Variants in CACYBP observed in about 807,000 individuals in gnomAD.
CACYBP encodes the protein calcyclin-binding protein.
A neutral mutation model predicts 29.6 loss-of-function variants in CACYBP; 11 were observed. The ratio of observed to expected loss-of-function variants is 0.37; its 90% CI spans 0.23 to 0.61. CACYBP has a LOEUF of 0.61. CACYBP is among the 20% of genes least tolerant of loss of function. The pLI, the probability that CACYBP is intolerant of heterozygous loss-of-function variation, is 0.65. For missense variants in CACYBP, 163 were observed against 260.7 expected (o/e 0.63, Z 2.58); for synonymous variants, 73 against 88.3 (o/e 0.83, Z 0.97).
Position 175,000,024 on chromosome 1 carries a change from C to A in CACYBP, c.-157C>A, listed in dbSNP as rs1672422849. The A allele has an allele frequency of 9.3e-7, 1 of 1,071,196 alleles. No individual in the cohort carries two copies. The highest frequency in any genetic ancestry group is 1.4e-6 in the Non-Finnish European group (1 of 728,012). 66.4% of individuals were successfully genotyped at this position (1,071,196 alleles called of 1,614,324 possible). On this transcript the variant is annotated 5_prime_UTR_variant, in exon 1 of 6. Coordinates refer to ENST00000367679, the MANE Select transcript of CACYBP (RefSeq NM_014412.3). ...TTCGAGATCCGTCGCGTGCGGGAGG[C>A]GGGCCGCGATCTTGCGCAGGGTCGG...
rs1411000510 is a variant in CACYBP at position 175,011,630 on chromosome 1, CAAA to C, written c.*1554_*1556del. On this transcript the variant is annotated 3_prime_UTR_variant, in exon 6 of 6. Coordinates refer to ENST00000367679, the MANE Select transcript of CACYBP (RefSeq NM_014412.3). The stretch of plus-strand genomic sequence containing the variant: ...TTCCAATAATTAAGAATACTTCATA[CAAA>C]AAGAAATGTAAATGACCTTTAACAT... 1 of 152,052 alleles carries C rather than the reference CAAA, an allele frequency of 6.6e-6. No homozygotes were observed. Among genetic ancestry groups the C allele is most frequent in the Non-Finnish European group, 1.5e-5 (1 of 68,008 alleles). The allele number at this position is 152,052 out of a possible 1,614,324, so 9.4% of individuals were successfully genotyped here. A position where few individuals can be genotyped will look rare whatever the true frequency, so the allele number is the denominator to read the frequency against.
intron 5 of CACYBP, chr1:175,008,991 T>C (rs1672683326): frequency 7.4e-6 from 2 of 269,672 alleles, no homozygotes; most frequent in Non-Finnish European, 7.0e-6. Context: ...CTGTATGTTT[T>C]AAATTTCTCA....
rs1422002074 is a variant in CACYBP at position 174,999,964 on chromosome 1, C to CGCGGTGG, written c.-209_-203dup. ...CCAGGCTTGGCGGGCTGTGCGTGCT[C>CGCGGTGG]GCGGTGGGCGGTGGCGGCGGCTGCC... On this transcript the variant is annotated 5_prime_UTR_variant, in exon 1 of 6. Transcript: ENST00000367679. 7 of 636,406 alleles carry CGCGGTGG rather than the reference C, an allele frequency of 1.1e-5. No homozygotes were observed. The highest frequency in any genetic ancestry group is 1.9e-5 in the Non-Finnish European group (7 of 378,138). The allele number at this position is 636,406 out of a possible 1,614,324, so 39.4% of individuals were successfully genotyped here. A position where few individuals can be genotyped will look rare whatever the true frequency, so the allele number is the denominator to read the frequency against.
chr1:175,006,947 T>G, intron 3 of CACYBP, 106 bp downstream of exon 3: 1 of 855,404 alleles, frequency 1.2e-6, no homozygotes, highest in Admixed American at 2.2e-5. Flanking sequence ...TTAGAATTAA[T>G]TATCCTTTAC....
At position 175,010,805 on chromosome 1, in the gene CACYBP, C is replaced by T. The variant is rs549945011; in HGVS notation, c.*726C>T. The T allele has an allele frequency of 6.6e-6, 1 of 152,084 alleles. No individual in the cohort carries two copies. Among genetic ancestry groups the T allele is most frequent in the Non-Finnish European group, 1.5e-5 (1 of 68,012 alleles). 9.4% of individuals were successfully genotyped at this position (152,084 alleles called of 1,614,324 possible). A position where few individuals can be genotyped will look rare whatever the true frequency, so the allele number is the denominator to read the frequency against. ...AAAGTTAAGTTTTTCTTCATTAGAA[C>T]AGTTTTATGATTTATTTGTCTAGGA... On this transcript the variant is annotated 3_prime_UTR_variant, in exon 6 of 6. Coordinates refer to ENST00000367679, the MANE Select transcript of CACYBP (RefSeq NM_014412.3).
intron 1 of CACYBP, among the ~76,000 whole-genome samples, chr1:175,002,766 T>G (rs1317175273): frequency 6.6e-6 from 1 of 152,214 alleles, no homozygotes; most frequent in African/African-American, 2.4e-5. Flanking sequence ...AAGAGTACTT[T>G]AGAGTCAAAA....
At chr1:175,007,070 A>G (rs751330585) in intron 3 of CACYBP, 28 bp from the exon 4 acceptor site, 14 of 1,401,308 alleles carry the variant, frequency 1.0e-5, no homozygotes, top group Non-Finnish European at 1.4e-5. Flanking sequence ...AGAACTAGAA[A>G]GATGATGTAT....
intron 4 of CACYBP, 41 bp downstream of exon 4, chr1:175,007,238 C>A (rs1672642428): frequency 5.1e-6 from 6 of 1,170,636 alleles, no homozygotes; most frequent in Non-Finnish European, 7.6e-6. Flanking sequence ...TGAAACCTTA[C>A]CAAATTGAAC....
chr1:175,009,779 G>A (rs1422086696), intron 5 of CACYBP, 144 bp from the exon 6 acceptor site: 2 of 570,912 alleles, frequency 3.5e-6, no homozygotes, highest in Non-Finnish European at 6.2e-6. Flanking sequence ...AGATGAATTT[G>A]TGCGTGCCGT....
At position 175,000,554 on chromosome 1, in the gene CACYBP, C is replaced by T. The variant is rs1012060567; in HGVS notation, c.15+359C>T. The T allele has an allele frequency of 6.8e-6, 8 of 1,183,506 alleles. No homozygotes were observed. In the African/African-American group the frequency reaches 8.2e-5, roughly 12 times the overall value. The allele number at this position is 1,183,506 out of a possible 1,614,324, so 73.3% of individuals were successfully genotyped here. A position where few individuals can be genotyped will look rare whatever the true frequency, so the allele number is the denominator to read the frequency against. On this transcript the variant is annotated intron_variant, in intron 1 of 5. Transcript: ENST00000367679. ...GACAGGAAGCTTCATTCAAGCAAAG[C>T]TGGGTGCAAACATGAGTGTCGTTCT...
chr1:175,011,744 A>AGTT lies in CACYBP; in HGVS notation c.*1667_*1669dup, dbSNP rs370884277. The AGTT allele has an allele frequency of 7.2e-5, 11 of 152,334 alleles. No individual in the cohort carries two copies. In the East Asian group the frequency reaches 1.3e-3, roughly 19 times the overall value. 9.4% of individuals were successfully genotyped at this position (152,334 alleles called of 1,614,324 possible). ...AAGAAGTATAAAAACAACTGTATTGAGTTGAGGCTGTGGAGAAATAAGGAC... is the reference window on the plus strand; with the variant it reads ...AAGAAGTATAAAAACAACTGTATTGAGTTGTTGAGGCTGTGGAGAAATAAGGAC... On this transcript the variant is annotated 3_prime_UTR_variant, in exon 6 of 6. Transcript: ENST00000367679.
chr1:175,006,234 G>A (rs78442918), intron 2 of CACYBP, among the ~76,000 whole-genome samples: 1,793 of 152,210 alleles, frequency 0.012, 41 homozygotes, highest in African/African-American at 0.039. Context: ...TGTCAGATTT[G>A]GATGAAGAAT....
At chr1:175,001,505 CCT>C (rs1237123581) in intron 1 of CACYBP, among the ~76,000 whole-genome samples, 2 of 152,148 alleles carry the variant, frequency 1.3e-5, no homozygotes, top group African/African-American at 4.8e-5. Flanking sequence ...TCCCTCAGCC[CCT>C]GACAACTACT....
At chr1:175,008,858 T>C (rs1362390320) in intron 5 of CACYBP, 152 bp downstream of exon 5, 1 of 606,828 alleles carries the variant, frequency 1.6e-6, no homozygotes, top group Non-Finnish European at 3.0e-6. Context: ...TTAAGGTCTT[T>C]GTAGTTAAGG....
intron 1 of CACYBP, among the ~76,000 whole-genome samples, chr1:175,003,420 G>A (rs984406895): frequency 6.6e-6 from 1 of 152,158 alleles, no homozygotes; most frequent in Non-Finnish European, 1.5e-5. Flanking sequence ...CACCTGGCCA[G>A]AGTTGAACTT....
intron 1 of CACYBP, chr1:175,000,493 C>T (rs1672446125): frequency 7.6e-7 from 1 of 1,317,538 alleles, no homozygotes; most frequent in Non-Finnish European, 9.7e-7. Context: ...TGCGCGTGTT[C>T]CTCAGGCCCT....
Position 175,010,405 on chromosome 1 carries a change from TG to T in CACYBP, c.*328del. 5.9e-6 allele frequency: 1 copy of T among 169,188 alleles called. No homozygotes were observed. 10.5% of individuals were successfully genotyped at this position (169,188 alleles called of 1,614,324 possible). ...GTGTATTTTTTGTTCAGCTAAGAAT[TG>T]GAAAAGTATTTGCTTGCCTTTTAAG... is the stretch of plus-strand genomic sequence containing the variant. On this transcript the variant is annotated 3_prime_UTR_variant, in exon 6 of 6. Coordinates refer to ENST00000367679, the MANE Select transcript of CACYBP (RefSeq NM_014412.3).
intron 5 of CACYBP, among the ~76,000 whole-genome samples, chr1:175,009,643 CAAAAAAAA>C (rs67446162): frequency 3.0e-5 from 3 of 100,506 alleles, no homozygotes; most frequent in African/African-American, 1.3e-4. Flanking sequence ...AGGACTGTCT[CAAAAAAAA>C]AAAAAAAAAA....
intron 2 of CACYBP, 151 bp downstream of exon 2, chr1:175,004,984 G>T (rs1348879391): frequency 1.4e-6 from 1 of 690,246 alleles, no homozygotes; most frequent in Non-Finnish European, 2.7e-6. Flanking sequence ...ACTTTTTTAA[G>T]ATATAAATAG....
Sources: allele counts gnomAD v4.1 joint callset (sites outside exome capture counted in the v4.1 genomes callset), GRCh38; gene constraint gnomAD v4.1.1; transcripts MANE v1.5; gene names NCBI Gene and HGNC (gene_info 2026-07-23, HGNC 2026-07-21).